ZNF143: variants seen among roughly 807,000 people sequenced by gnomAD.
ZNF143 encodes the protein SPH-binding factor.
A neutral mutation model predicts 74.1 loss-of-function variants in ZNF143; 49 were observed. The observed-to-expected ratio is 0.66, with a 90% CI of 0.53 to 0.84. ZNF143 has a LOEUF of 0.84. Ranked by LOEUF, ZNF143 falls within the 40% of genes least tolerant of loss-of-function variation. ZNF143 has a pLI of 0.00. For synonymous variants in ZNF143, 304 were observed against 282.8 expected, an observed-to-expected ratio of 1.07 and a Z score of -0.75; for missense variants, 637 against 793.4, an observed-to-expected ratio of 0.80 and a Z score of 2.37.
intron 7 of ZNF143, among the ~76,000 whole-genome samples, chr11:9,492,710 A>T (rs926062897): frequency 6.6e-6 from 1 of 152,198 alleles, no homozygotes; most frequent in African/African-American, 2.4e-5. Context: ...AGTGGTATGA[A>T]TCCTTTTATA....
Position 9,473,953 on chromosome 11 carries a change from T to C in ZNF143, c.218T>C (p.Ile73Thr). 3 of 1,614,168 alleles carry C rather than the reference T, an allele frequency of 1.9e-6. No individual in the cohort carries two copies. Among genetic ancestry groups the C allele is most frequent in the Non-Finnish European group, 2.5e-6 (3 of 1,179,998 alleles). The change falls in exon 4 of 16, where the codon ATA becomes ACA. Residue 73 changes from isoleucine (I) to threonine (T), a missense_variant. Physicochemically the swap from Ile to Thr is moderately conservative, Grantham distance 89. This residue lies in a region of ZNF143 where 293 missense variants were observed against 307.8 expected (regional missense o/e 0.95). Coordinates refer to ENST00000396602, the MANE Select transcript of ZNF143 (RefSeq NM_003442.6). ...TCTTTTGTTATAGATGCAAAACTCA[T>C]AGATGGCCAGGTCATTCAGTTGGAA... is the stretch of plus-strand genomic sequence containing the variant. ...IQHNSKDAKL[I>T]DGQVIQLEDG...
chr11:9,497,934 C>T, intron 10 of ZNF143, 134 bp downstream of exon 10: 1 of 578,026 alleles, frequency 1.7e-6, no homozygotes, highest in South Asian at 2.3e-5. Flanking sequence ...GGGTTCACGC[C>T]ATTCTCCTGC....
rs370234138 is a variant in ZNF143 at position 9,501,395 on chromosome 11, T to G, written c.1147+125T>G. 74 of 1,149,824 alleles carry G rather than the reference T, an allele frequency of 6.4e-5. 1 individual carries two copies. In the African/African-American group the frequency reaches 6.9e-4, roughly 11 times the overall value. The allele number at this position is 1,149,824 out of a possible 1,614,324, so 71.2% of individuals were successfully genotyped here. ...ATCACTTGGCATGGTGGAAAGAGAT[T>G]AAGCAACTTGAAAAAGTTTCACCTT... On this transcript the variant is annotated intron_variant, in intron 11 of 15. Coordinates refer to ENST00000396602, the MANE Select transcript of ZNF143 (RefSeq NM_003442.6).
chr11:9,486,371 AATATAT>A lies in ZNF143; in HGVS notation c.645+6826_645+6831del, dbSNP rs1847490890. 8.2e-5 allele frequency among the ~76,000 whole-genome samples: 3 copies of A among 36,716 alleles called. No individual in the cohort carries two copies. The Admixed American group carries it at 1.3e-3, about 16-fold the overall frequency. 24.1% of individuals were successfully genotyped at this position (36,716 alleles called of 152,430 possible). On this transcript the variant is annotated intron_variant, in intron 7 of 15. Coordinates refer to ENST00000396602, the MANE Select transcript of ZNF143 (RefSeq NM_003442.6). Reference sequence around the variant, plus strand: ...TATATATTATATATATATTATATATAATATATTATATATATAATATATATAATATAT... The same window carrying A: ...TATATATTATATATATATTATATATATATATATATAATATATATAATATAT...
intron 10 of ZNF143, 53 bp downstream of exon 10, chr11:9,497,853 CG>C: frequency 7.9e-7 from 1 of 1,260,692 alleles, no homozygotes; most frequent in South Asian, 1.4e-5. Context: ...TTTTTTGAGA[CG>C]GAGTCTCGCT....
At chr11:9,496,926 C>A (rs1847979345) in intron 9 of ZNF143, among the ~76,000 whole-genome samples, 1 of 152,078 alleles carries the variant, frequency 6.6e-6, no homozygotes, top group Non-Finnish European at 1.5e-5. Flanking sequence ...CTTTTCACTC[C>A]TCCACATTCT....
At chr11:9,514,325 C>A (rs986908855) in intron 13 of ZNF143, among the ~76,000 whole-genome samples, 2 of 152,242 alleles carry the variant, frequency 1.3e-5, no homozygotes, top group Non-Finnish European at 2.9e-5. Context: ...GTTGTACTTT[C>A]TCTACACTTA....
At chr11:9,505,437 G>A (rs945024552) in intron 11 of ZNF143, among the ~76,000 whole-genome samples, 14 of 150,512 alleles carry the variant, frequency 9.3e-5, no homozygotes, top group Non-Finnish European at 8.9e-5. Context: ...GCTGAGCTAA[G>A]TTTTGTATTT....
chr11:9,494,972 C>A (rs1055110836), intron 8 of ZNF143, among the ~76,000 whole-genome samples: 4 of 152,068 alleles, frequency 2.6e-5, no homozygotes, highest in African/African-American at 9.7e-5. Flanking sequence ...GTGTTTTTTT[C>A]ATCTCTGTAT....
At chr11:9,466,183 A>C (rs1035836785) in intron 1 of ZNF143, among the ~76,000 whole-genome samples, 1 of 151,952 alleles carries the variant, frequency 6.6e-6, no homozygotes, top group African/African-American at 2.4e-5. Flanking sequence ...GGGTTTCACC[A>C]TGTTGGCCAG....
At chr11:9,520,025 A>ATTT (rs954404348) in intron 14 of ZNF143, among the ~76,000 whole-genome samples, 1,362 of 91,368 alleles carry the variant, frequency 0.015, 140 homozygotes, top group African/African-American at 0.055. Flanking sequence ...GTTTCCACCA[A>ATTT]TTTTTTTTTT....
At chr11:9,486,363 T>TATATTATATATATTA (rs1491555379) in intron 7 of ZNF143, among the ~76,000 whole-genome samples, 4 of 41,252 alleles carry the variant, frequency 9.7e-5, no homozygotes, top group Non-Finnish European at 1.7e-4. Context: ...TATATATATA[T>TATATTATATATATTA]TATATATAAT....
intron 7 of ZNF143, among the ~76,000 whole-genome samples, chr11:9,483,213 C>T (rs186807185): frequency 3.4e-5 from 5 of 148,460 alleles, no homozygotes; most frequent in Non-Finnish European, 5.9e-5. Context: ...AGGTTGGTCT[C>T]GAACTCCTGA....
intron 8 of ZNF143, among the ~76,000 whole-genome samples, chr11:9,495,419 C>G (rs1225376847): frequency 6.6e-6 from 1 of 152,180 alleles, no homozygotes. Flanking sequence ...CCAGCCTGGG[C>G]AACAGAGCGA....
chr11:9,501,994 T>G lies in ZNF143; in HGVS notation c.1147+724T>G, dbSNP rs1444287484. Among the ~76,000 whole-genome samples, 3 of 125,560 alleles carry G rather than the reference T, an allele frequency of 2.4e-5. No homozygotes were observed. In the Admixed American group the frequency reaches 3.0e-4, roughly 12 times the overall value. The allele number at this position is 125,560 out of a possible 152,430, so 82.4% of individuals were successfully genotyped here. On this transcript the variant is annotated intron_variant, in intron 11 of 15. Transcript: ENST00000396602. ...TGTTGTTGCCCAGGCTGGAGTGCAA[T>G]GGCGCGATCTCGGCTCACTGCAACC...
chr11:9,501,549 A>T (rs1848159565), intron 11 of ZNF143, among the ~76,000 whole-genome samples: 1 of 152,222 alleles, frequency 6.6e-6, no homozygotes, highest in African/African-American at 2.4e-5. Flanking sequence ...CAGTTGCTGC[A>T]GTGTCTCCCA....
chr11:9,518,015 G>A (rs1232192374), intron 14 of ZNF143, among the ~76,000 whole-genome samples: 1 of 152,138 alleles, frequency 6.6e-6, no homozygotes, highest in African/African-American at 2.4e-5. Context: ...AAAACGGACT[G>A]TATTGAGAAT....
rs1014499229 is a variant in ZNF143 at position 9,484,920 on chromosome 11, C to T, written c.645+5374C>T. On this transcript the variant is annotated intron_variant, in intron 7 of 15. Transcript: ENST00000396602. ...TCACGCCATTCTCCTGCTTCAGCCT[C>T]CTGCATAGCTGGGACTACAGGCGCC... is the stretch of plus-strand genomic sequence containing the variant. Among the ~76,000 whole-genome samples the T allele has an allele frequency of 2.3e-3, 349 of 149,208 alleles. 2 individuals are homozygous for T. The highest frequency in any genetic ancestry group is 6.8e-3 in the Middle Eastern group (2 of 294).
intron 7 of ZNF143, among the ~76,000 whole-genome samples, chr11:9,488,013 A>G (rs997093678): frequency 2.0e-5 from 3 of 152,028 alleles, no homozygotes; most frequent in African/African-American, 7.3e-5. Context: ...CATATTTATG[A>G]TTATACAAAC....
Sources: gnomAD v4.1 joint callset for allele counts (sites outside exome capture counted in the v4.1 genomes callset) on GRCh38, gnomAD v4.1.1 for gene constraint, gnomAD v4.1.1 regional missense constraint, MANE v1.5 for transcripts, NCBI Gene and HGNC (gene_info 2026-07-23, HGNC 2026-07-21) for gene names.